MOCOS: variants seen among roughly 807,000 people sequenced by gnomAD.
MOCOS encodes the protein human molybdenum cofactor sulfurase.
A neutral mutation model predicts 83.6 loss-of-function variants in MOCOS; 86 were observed. The ratio of observed to expected loss-of-function variants is 1.03; its 90% CI spans 0.86 to 1.23. MOCOS has a LOEUF of 1.23. Ranked by LOEUF, MOCOS falls within the 50% of genes most tolerant of loss-of-function variation. The probability of loss-of-function intolerance (pLI) is 0.00; values close to 1 mark genes in which losing one functional copy is unlikely to be tolerated. For synonymous variants in MOCOS, 445 were observed against 434.7 expected (o/e 1.02, Z -0.29); for missense variants, 1,120 against 1,126.9 (o/e 0.99, Z 0.09).
intron 4 of MOCOS, among the ~76,000 whole-genome samples, chr18:36,201,824 A>C (rs2091416243): frequency 6.6e-6 from 1 of 152,102 alleles, no homozygotes; most frequent in Non-Finnish European, 1.5e-5. Context: ...CTCATGTAAA[A>C]CCTCTTGACT....
Position 36,257,033 on chromosome 18 carries a change from A to G in MOCOS, c.2230A>G (p.Thr744Ala). Reference sequence around the variant, plus strand: ...TGAGGCACAGTATCTGCTGATCAACACATCCAGTATTTTGGAACTTCACCG... The same window carrying G: ...TGAGGCACAGTATCTGCTGATCAACGCATCCAGTATTTTGGAACTTCACCG... ...VNEAQYLLIN[T>A]SSILELHRQL... The change falls in exon 12 of 15, where the codon ACA becomes GCA. Residue 744 changes from threonine to alanine, a missense_variant. Thr to Ala is a moderately conservative substitution (Grantham distance 58, BLOSUM62 0). Transcript: ENST00000261326. 6.2e-7 allele frequency: 1 copy of G among 1,614,124 alleles called. No individual in the cohort carries two copies. The highest frequency in any genetic ancestry group is 8.5e-7 in the Non-Finnish European group (1 of 1,179,990).
intron 9 of MOCOS, among the ~76,000 whole-genome samples, chr18:36,222,697 G>T (rs2091500883): frequency 6.6e-6 from 1 of 151,320 alleles, no homozygotes; most frequent in South Asian, 2.1e-4. Context: ...TGCCTTCCAG[G>T]TTCACGCCAT....
rs374850491 is a variant in MOCOS, at chr18:36,199,722, T to A, written c.339T>A (p.Thr113=). 1 of 1,613,992 alleles carries A rather than the reference T, an allele frequency of 6.2e-7. No individual in the cohort carries two copies. The highest frequency in any genetic ancestry group is 8.5e-7 in the Non-Finnish European group (1 of 1,180,048). ...AHFHTTAEDY[T]VIFTAGSTAA... is the part of the protein sequence containing the mutation. ...TCCACACCACCGCAGAAGACTACAC[T>A]GTGATCTTCACTGCCGGGAGCACGG... Residue 113 remains threonine (T), a synonymous_variant, in exon 4 of 15, where the codon ACT becomes ACA. Coordinates refer to ENST00000261326, the MANE Select transcript of MOCOS (RefSeq NM_017947.4).
In MOCOS at chr18:36,256,950, A is replaced by G; in HGVS notation, c.2165-18A>G. Reference sequence around the variant, plus strand: ...TCTGAGAAAGCAACTCTTCTTTTAAATGCTCCATCATTTTCAGATCAACTT... The same window carrying G: ...TCTGAGAAAGCAACTCTTCTTTTAAGTGCTCCATCATTTTCAGATCAACTT... On this transcript the variant is annotated intron_variant, in intron 11 of 14. Coordinates refer to ENST00000261326, the MANE Select transcript of MOCOS (RefSeq NM_017947.4). 1 of 1,594,324 alleles carries G rather than the reference A, an allele frequency of 6.3e-7. No individual in the cohort carries two copies. Among genetic ancestry groups the G allele is most frequent in the Non-Finnish European group, 8.6e-7 (1 of 1,161,980 alleles).
intron 9 of MOCOS, among the ~76,000 whole-genome samples, chr18:36,222,892 G>A (rs759993425): frequency 6.6e-6 from 1 of 152,136 alleles, no homozygotes; most frequent in Non-Finnish European, 1.5e-5. Context: ...GAGCCATCGC[G>A]CCCAGCCACT....
Position 36,256,182 on chromosome 18 carries a change from GC to G in MOCOS, c.2165-785del, listed in dbSNP as rs1369240395. 1.1e-4 allele frequency among the ~76,000 whole-genome samples: 16 copies of G among 152,062 alleles called. No individual in the cohort carries two copies. In the East Asian group the frequency reaches 3.1e-3, roughly 30 times the overall value. On this transcript the variant is annotated intron_variant, in intron 11 of 14. Coordinates refer to ENST00000261326, the MANE Select transcript of MOCOS (RefSeq NM_017947.4). ...GCTGGGATTACAGGAGTGAGCCACC[GC>G]GCCTAGCCCTCCCTTTTAGTAGTTT...
At position 36,195,368 on chromosome 18, in the gene MOCOS, A is replaced by G. The variant is rs542766490; in HGVS notation, c.232+22A>G. On this transcript the variant is annotated intron_variant, in intron 2 of 14. Transcript: ENST00000261326. ...TATGGTAAAGAAAAACACCTGAAAC[A>G]GGTTTTAGTCAACTACATGCAGCTG... 3.3e-5 allele frequency: 53 copies of G among 1,593,124 alleles called. 1 individual carries two copies. The South Asian group carries it at 5.3e-4, about 16-fold the overall frequency.
chr18:36,227,134 A>T (rs1395271067), intron 9 of MOCOS, among the ~76,000 whole-genome samples: 2 of 151,628 alleles, frequency 1.3e-5, no homozygotes, highest in East Asian at 3.9e-4. Flanking sequence ...TTGGTCTTGA[A>T]CTCCTGAACT....
chr18:36,255,066 GTATAT>G (rs1449254812), intron 11 of MOCOS, among the ~76,000 whole-genome samples: 1 of 152,006 alleles, frequency 6.6e-6, no homozygotes, highest in Non-Finnish European at 1.5e-5. Flanking sequence ...AGCAACATAA[GTATAT>G]TATAACTTTT....
rs367799609 is a variant in MOCOS, at chr18:36,232,150, T to C, written c.1960+11933T>C. On this transcript the variant is annotated intron_variant, in intron 9 of 14. Transcript: ENST00000261326. Reference sequence around the variant, plus strand: ...CACCACATCCAGCTAATTTTTGATATTTTCAGTAGAGATGGGGTTTTGCCA... The same window carrying C: ...CACCACATCCAGCTAATTTTTGATACTTTCAGTAGAGATGGGGTTTTGCCA... Among the ~76,000 whole-genome samples, 65 of 152,190 alleles carry C rather than the reference T, an allele frequency of 4.3e-4. 1 individual carries two copies. Among genetic ancestry groups the C allele is most frequent in the African/African-American group, 1.5e-3 (61 of 41,518 alleles).
At chr18:36,238,016 T>C (rs2091566041) in intron 9 of MOCOS, among the ~76,000 whole-genome samples, 1 of 152,038 alleles carries the variant, frequency 6.6e-6, no homozygotes, top group East Asian at 1.9e-4. Context: ...TATTTGATTC[T>C]TCTCTCTTTT....
Position 36,268,930 on chromosome 18 carries a change from C to T in MOCOS, c.*245C>T. 1 of 541,014 alleles carries T rather than the reference C, an allele frequency of 1.8e-6. No homozygotes were observed. Among genetic ancestry groups the T allele is most frequent in the Non-Finnish European group, 3.3e-6 (1 of 303,782 alleles). The allele number at this position is 541,014 out of a possible 1,614,324, so 33.5% of individuals were successfully genotyped here. On this transcript the variant is annotated 3_prime_UTR_variant, in exon 15 of 15. Coordinates refer to ENST00000261326, the MANE Select transcript of MOCOS (RefSeq NM_017947.4). ...GCTGCACCCACATCCAGTGAGGCTC[C>T]TGTAGGTATTTGAAGTATAATCACT...
At chr18:36,214,612 T>C (rs2091468789) in intron 7 of MOCOS, among the ~76,000 whole-genome samples, 1 of 152,088 alleles carries the variant, frequency 6.6e-6, no homozygotes, top group African/African-American at 2.4e-5. Context: ...GAGTGTTTAT[T>C]GATTTGAGTT....
At chr18:36,259,044 T>G (rs182843765) in intron 12 of MOCOS, among the ~76,000 whole-genome samples, 377 of 151,188 alleles carry the variant, frequency 2.5e-3, no homozygotes, top group Admixed American at 7.1e-3. Flanking sequence ...GTCAGAGAAG[T>G]TTTAAGATGT....
chr18:36,266,887 C>A, intron 14 of MOCOS, 34 bp downstream of exon 14: 1 of 1,527,402 alleles, frequency 6.5e-7, no homozygotes. Context: ...CACCTGGTTT[C>A]CAATCCTGGT....
At chr18:36,243,829 C>T (rs1437896661) in intron 9 of MOCOS, among the ~76,000 whole-genome samples, 3 of 151,996 alleles carry the variant, frequency 2.0e-5, no homozygotes, top group East Asian at 3.8e-4. Flanking sequence ...TCTATTTCTT[C>T]CTGGTTTAAT....
At chr18:36,254,260 C>T (rs929014186) in intron 11 of MOCOS, among the ~76,000 whole-genome samples, 3 of 152,068 alleles carry the variant, frequency 2.0e-5, no homozygotes, top group South Asian at 2.1e-4. Context: ...AAAATTTTTA[C>T]GTTGTCATCT....
chr18:36,227,032 C>G (rs1598882639), intron 9 of MOCOS, among the ~76,000 whole-genome samples: 2 of 151,536 alleles, frequency 1.3e-5, no homozygotes, highest in Admixed American at 1.3e-4. Flanking sequence ...AAGCTAAGTC[C>G]TAAGCTAAGT....
At chr18:36,237,839 C>T (rs1321075669) in intron 9 of MOCOS, among the ~76,000 whole-genome samples, 4 of 148,836 alleles carry the variant, frequency 2.7e-5, no homozygotes, top group Non-Finnish European at 6.0e-5. Flanking sequence ...AGAGATTCAA[C>T]TTCTTCCTGG....
Sources: allele counts gnomAD v4.1 joint callset (sites outside exome capture counted in the v4.1 genomes callset), GRCh38; gene constraint gnomAD v4.1.1; transcripts MANE v1.5; gene names NCBI Gene and HGNC (gene_info 2026-07-23, HGNC 2026-07-21).